The following MAGI2 variants were observed in gnomAD, a reference collection of about 807,000 sequenced individuals.
The protein encoded by MAGI2 is membrane-associated guanylate kinase, WW and PDZ domain-containing protein 2.
A neutral mutation model predicts 133.3 loss-of-function variants in MAGI2; 35 were observed. That is an observed-to-expected ratio of 0.26 (90% CI 0.20 to 0.35). The LOEUF is 0.35. MAGI2 is among the 10% of genes least tolerant of loss of function. The probability of loss-of-function intolerance (pLI) is 1.00; values close to 1 mark genes in which losing one functional copy is unlikely to be tolerated. For missense variants in MAGI2, 1,636 were observed against 1,863.4 expected (o/e 0.88, Z 2.25); for synonymous variants, 729 against 710.6 (o/e 1.03, Z -0.41).
chr7:79,209,701 C>T lies in MAGI2; in HGVS notation c.302-202495G>A, dbSNP rs1254758397. Among the ~76,000 whole-genome samples, 3 of 152,046 alleles carry T rather than the reference C, an allele frequency of 2.0e-5. 1 individual carries two copies. Among genetic ancestry groups the T allele is most frequent in the African/African-American group, 7.3e-5 (3 of 41,322 alleles). On this transcript the variant is annotated intron_variant, in intron 1 of 21. Coordinates refer to ENST00000354212, the MANE Select transcript of MAGI2 (RefSeq NM_012301.4). ...CCAGGACAATTAATCACTCTCTTTT[C>T]TGTATATTGTGAACACAACTCCACA...
At chr7:78,497,360 T>C (rs963027823) in intron 5 of MAGI2, among the ~76,000 whole-genome samples, 5 of 152,166 alleles carry the variant, frequency 3.3e-5, no homozygotes, top group Non-Finnish European at 7.4e-5. Context: ...TGTCATTCTA[T>C]AGGATAGAAG....
chr7:79,252,156 C>CAAAAAAAAAAAAAAAAAAA (rs1208897198), intron 1 of MAGI2, among the ~76,000 whole-genome samples: 3 of 102,596 alleles, frequency 2.9e-5, no homozygotes, highest in African/African-American at 4.1e-5. Context: ...GACCCTGTCT[C>CAAAAAAAAAAAAAAAAAAA]AAAAAAAAAA....
intron 1 of MAGI2, among the ~76,000 whole-genome samples, chr7:79,167,716 G>A (rs886341665): frequency 6.6e-6 from 1 of 151,714 alleles, no homozygotes; most frequent in Non-Finnish European, 1.5e-5. Flanking sequence ...TTTTTAGGAA[G>A]AATTTAAAAC....
intron 4 of MAGI2, among the ~76,000 whole-genome samples, chr7:78,520,854 T>G (rs1246612199): frequency 8.5e-5 from 13 of 152,154 alleles, no homozygotes; most frequent in Admixed American, 8.5e-4. Flanking sequence ...ACATTGTTAA[T>G]GTATAAAGAT....
intron 2 of MAGI2, among the ~76,000 whole-genome samples, chr7:78,728,388 A>G (rs1456952943): frequency 6.6e-6 from 1 of 152,162 alleles, no homozygotes; most frequent in Non-Finnish European, 1.5e-5. Context: ...AGCAGTAAAC[A>G]AAATGCACAT....
chr7:79,149,578 A>C (rs973376529), intron 1 of MAGI2, among the ~76,000 whole-genome samples: 1 of 152,156 alleles, frequency 6.6e-6, no homozygotes, highest in Non-Finnish European at 1.5e-5. Flanking sequence ...AAGGAAATTG[A>C]ATCATACAAT....
intron 2 of MAGI2, among the ~76,000 whole-genome samples, chr7:78,762,385 G>A (rs1271140971): frequency 1.1e-4 from 16 of 152,244 alleles, no homozygotes; most frequent in African/African-American, 3.1e-4. Context: ...GGAGGTTGCA[G>A]TGAGCTGACA....
intron 2 of MAGI2, among the ~76,000 whole-genome samples, chr7:78,671,647 C>T (rs1385708586): frequency 6.6e-6 from 1 of 152,086 alleles, no homozygotes; most frequent in Non-Finnish European, 1.5e-5. Flanking sequence ...TGAAAGTTAA[C>T]CATAATCACT....
intron 2 of MAGI2, among the ~76,000 whole-genome samples, chr7:78,846,266 AC>A (rs1237648311): frequency 6.6e-6 from 1 of 151,994 alleles, no homozygotes; most frequent in Non-Finnish European, 1.5e-5. Context: ...TAAGCTGGAA[AC>A]AAATATGCCT....
intron 1 of MAGI2, among the ~76,000 whole-genome samples, chr7:79,431,594 T>G (rs1193380929): frequency 6.6e-6 from 1 of 152,190 alleles, no homozygotes; most frequent in African/African-American, 2.4e-5. Context: ...AAAAATATTA[T>G]AATTCTTCTA....
intron 1 of MAGI2, among the ~76,000 whole-genome samples, chr7:79,210,255 T>C (rs1829397154): frequency 6.6e-6 from 1 of 152,060 alleles, no homozygotes; most frequent in Non-Finnish European, 1.5e-5. Context: ...TGCTAGGCAC[T>C]CATTACTAAA....
chr7:78,749,379 C>T (rs185372344), intron 2 of MAGI2, among the ~76,000 whole-genome samples: 46 of 152,064 alleles, frequency 3.0e-4, no homozygotes, highest in Admixed American at 9.2e-4. Flanking sequence ...CTTATGTTTT[C>T]GGGAGGAAGC....
intron 1 of MAGI2, among the ~76,000 whole-genome samples, chr7:79,446,933 C>T (rs952774106): frequency 2.6e-5 from 4 of 151,792 alleles, no homozygotes; most frequent in Non-Finnish European, 5.9e-5. Context: ...GCCTGGACGA[C>T]AGAGCGAGAC....
At chr7:79,081,939 C>T (rs1816076283) in intron 1 of MAGI2, among the ~76,000 whole-genome samples, 1 of 152,096 alleles carries the variant, frequency 6.6e-6, no homozygotes, top group Admixed American at 6.6e-5. Context: ...TTGCTATGAA[C>T]ATTCATGTGT....
At chr7:78,997,474 C>T (rs1432766522) in intron 2 of MAGI2, among the ~76,000 whole-genome samples, 3 of 151,818 alleles carry the variant, frequency 2.0e-5, no homozygotes, top group Admixed American at 6.6e-5. Flanking sequence ...TGGTGGTGGT[C>T]GCCTGTAATC....
At chr7:78,959,848 A>G (rs1202261437) in intron 2 of MAGI2, among the ~76,000 whole-genome samples, 1 of 152,180 alleles carries the variant, frequency 6.6e-6, no homozygotes, top group East Asian at 1.9e-4. Context: ...GATGTGAGCC[A>G]TTCCAAGGTT....
chr7:79,217,992 G>GA lies in MAGI2; in HGVS notation c.302-210787dup, dbSNP rs559463486. Among the ~76,000 whole-genome samples, 257 of 151,498 alleles carry GA rather than the reference G, an allele frequency of 1.7e-3. 1 individual carries two copies. Among genetic ancestry groups the GA allele is most frequent in the African/African-American group, 5.8e-3 (240 of 41,260 alleles). ...TGCACGAATATTAGGCTTTTGATTT[G>GA]AAAAAAAAGTATTGTTTTGGTCTCA... On this transcript the variant is annotated intron_variant, in intron 1 of 21. Coordinates refer to ENST00000354212, the MANE Select transcript of MAGI2 (RefSeq NM_012301.4).
chr7:78,426,012 T>A (rs542446259), intron 6 of MAGI2, among the ~76,000 whole-genome samples: 9 of 152,278 alleles, frequency 5.9e-5, no homozygotes, highest in African/African-American at 2.2e-4. Flanking sequence ...TCAACAGACA[T>A]TAACCCCAAA....
rs1050119625 is a variant in MAGI2, at chr7:78,297,745, C to T, written c.1409-41164G>A. On this transcript the variant is annotated intron_variant, in intron 9 of 21. Coordinates refer to ENST00000354212, the MANE Select transcript of MAGI2 (RefSeq NM_012301.4). ...GTCACAAGAACAAAAAACCAAACAC[C>T]GCATATTCTCACTCATAGGTGGGAA... Among the ~76,000 whole-genome samples the T allele has an allele frequency of 2.2e-3, 334 of 149,318 alleles. 2 individuals are homozygous for T. Among genetic ancestry groups the T allele is most frequent in the Non-Finnish European group, 2.2e-3 (151 of 67,506 alleles).
Sources: gnomAD v4.1 joint callset for allele counts (sites outside exome capture counted in the v4.1 genomes callset) on GRCh38, gnomAD v4.1.1 for gene constraint, MANE v1.5 for transcripts, NCBI Gene and HGNC (gene_info 2026-07-23, HGNC 2026-07-21) for gene names.